The following SYN3 variants were observed in gnomAD, a reference collection of about 807,000 sequenced individuals.
SYN3 encodes the protein synapsin-3.
Under a neutral mutation model 65.8 loss-of-function variants are expected in SYN3, and 35 were observed. The observed-to-expected ratio is 0.53, with a 90% CI of 0.41 to 0.70. The LOEUF (loss-of-function observed/expected upper bound fraction) is 0.70, where lower values mean the gene tolerates loss of function less well. SYN3 is among the 30% of genes least tolerant of loss of function. SYN3 has a pLI of 0.00. For missense variants in SYN3, 680 were observed against 749.0 expected (o/e 0.91, Z 1.08); for synonymous variants, 270 against 292.9 (o/e 0.92, Z 0.80).
chr22:33,015,990 C>G (rs1014961997), intron 1 of SYN3, among the ~76,000 whole-genome samples: 5 of 151,826 alleles, frequency 3.3e-5, no homozygotes, highest in African/African-American at 1.2e-4. Context: ...TTACAGGCGC[C>G]CGCCACCACG....
At chr22:32,852,176 G>A (rs1278328105) in intron 6 of SYN3, among the ~76,000 whole-genome samples, 1 of 152,200 alleles carries the variant, frequency 6.6e-6, no homozygotes, top group Non-Finnish European at 1.5e-5. Context: ...TGAGACCTGG[G>A]AGGTCATATA....
chr22:32,513,609 C>T lies in SYN3; in HGVS notation c.*83G>A. The T allele has an allele frequency of 1.3e-6, 2 of 1,552,320 alleles. No homozygotes were observed. Among genetic ancestry groups the T allele is most frequent in the Non-Finnish European group, 1.8e-6 (2 of 1,141,142 alleles). On this transcript the variant is annotated 3_prime_UTR_variant, in exon 14 of 14. Transcript: ENST00000358763. ...CTCAGGCCCTCCATTCTGTTCCCAT[C>T]AGGAACCAAGGCTGAGAAGGAAGAT...
At chr22:32,822,653 G>C (rs776995323) in intron 6 of SYN3, among the ~76,000 whole-genome samples, 1 of 152,120 alleles carries the variant, frequency 6.6e-6, no homozygotes, top group Non-Finnish European at 1.5e-5. Context: ...ATTATGGTGC[G>C]TTCATACAGT....
intron 6 of SYN3, among the ~76,000 whole-genome samples, chr22:32,653,398 A>G (rs549671232): frequency 6.6e-6 from 1 of 152,322 alleles, no homozygotes; most frequent in East Asian, 1.9e-4. Flanking sequence ...ACCTTTAAAA[A>G]CAAAGGCTTG....
At chr22:32,831,826 T>C (rs530037681) in intron 6 of SYN3, among the ~76,000 whole-genome samples, 1 of 152,156 alleles carries the variant, frequency 6.6e-6, no homozygotes, top group East Asian at 1.9e-4. Context: ...ACTGTCAGCC[T>C]GGAAAATAGG....
At chr22:32,871,956 C>T (rs2048861240) in intron 4 of SYN3, among the ~76,000 whole-genome samples, 1 of 151,970 alleles carries the variant, frequency 6.6e-6, no homozygotes, top group Admixed American at 6.6e-5. Flanking sequence ...TCTTTCTCGC[C>T]TCCCTCACTG....
chr22:32,645,923 C>A (rs1236212270), intron 6 of SYN3, among the ~76,000 whole-genome samples: 4 of 151,986 alleles, frequency 2.6e-5, no homozygotes, highest in African/African-American at 4.8e-5. Flanking sequence ...GGGTGGGGAG[C>A]TGTACCCCAC....
At chr22:32,790,920 G>A (rs958954312) in intron 6 of SYN3, among the ~76,000 whole-genome samples, 2 of 152,154 alleles carry the variant, frequency 1.3e-5, no homozygotes, top group African/African-American at 2.4e-5. Context: ...AAAGACCTAA[G>A]ATGTGACTAC....
At chr22:32,702,071 C>T (rs1475480254) in intron 6 of SYN3, among the ~76,000 whole-genome samples, 1 of 152,134 alleles carries the variant, frequency 6.6e-6, no homozygotes, top group Non-Finnish European at 1.5e-5. Flanking sequence ...ACAATGTAGA[C>T]AGTAAACAAC....
chr22:32,598,229 G>A (rs2059230981), intron 6 of SYN3, among the ~76,000 whole-genome samples: 1 of 152,176 alleles, frequency 6.6e-6, no homozygotes, highest in Admixed American at 6.5e-5. Context: ...TCCTGTAGTA[G>A]CTGCTGAGCC....
chr22:32,883,230 A>C (rs2146430166), intron 4 of SYN3, among the ~76,000 whole-genome samples: 1 of 152,350 alleles, frequency 6.6e-6, no homozygotes, highest in East Asian at 1.9e-4. Context: ...GACATATGGC[A>C]GTAATTTTTA....
chr22:32,720,624 C>T (rs2061103579), intron 6 of SYN3, among the ~76,000 whole-genome samples: 2 of 152,224 alleles, frequency 1.3e-5, no homozygotes, highest in Non-Finnish European at 2.9e-5. Flanking sequence ...GGGATTCTCA[C>T]TGATCACCAC....
intron 6 of SYN3, among the ~76,000 whole-genome samples, chr22:32,748,461 G>A (rs978152575): frequency 3.9e-5 from 6 of 152,128 alleles, no homozygotes; most frequent in Non-Finnish European, 7.4e-5. Flanking sequence ...AAAGGGTGTC[G>A]GGGGCAAGGG....
chr22:32,826,520 C>T (rs1010504947), intron 6 of SYN3, among the ~76,000 whole-genome samples: 2 of 152,108 alleles, frequency 1.3e-5, no homozygotes, highest in African/African-American at 4.8e-5. Flanking sequence ...CAGATAACCT[C>T]GGTCCTATTT....
At chr22:32,648,458 T>A (rs1386039791) in intron 6 of SYN3, among the ~76,000 whole-genome samples, 1 of 152,318 alleles carries the variant, frequency 6.6e-6, no homozygotes, top group South Asian at 2.1e-4. Context: ...ACACAGTACA[T>A]AAATATGGTA....
chr22:32,868,909 T>C lies in SYN3; in HGVS notation c.621+57A>G, dbSNP rs1601586683. On this transcript the variant is annotated intron_variant, in intron 5 of 13. Coordinates refer to ENST00000358763, the MANE Select transcript of SYN3 (RefSeq NM_003490.4). ...GCTGGGGAGTGGGCTTGTCGCAGAG[T>C]GGGAGGCCACCCACTGCCTCCCAGA... is the stretch of plus-strand genomic sequence containing the variant. 3 of 1,562,128 alleles carry C rather than the reference T, an allele frequency of 1.9e-6. No homozygotes were observed. The East Asian group carries it at 6.9e-5, about 36-fold the overall frequency.
chr22:33,044,937 G>T (rs572623454), intron 1 of SYN3, among the ~76,000 whole-genome samples: 1 of 151,718 alleles, frequency 6.6e-6, no homozygotes, highest in East Asian at 2.0e-4. Flanking sequence ...CTGCCTCCCG[G>T]GTTCAAGCGA....
At chr22:33,030,433 T>C (rs193173329) in intron 1 of SYN3, among the ~76,000 whole-genome samples, 402 of 151,382 alleles carry the variant, frequency 2.7e-3, no homozygotes, top group Non-Finnish European at 4.5e-3. Context: ...GCCAGATACA[T>C]AGAGACAGAG....
intron 1 of SYN3, among the ~76,000 whole-genome samples, chr22:33,053,035 A>G (rs2054197143): frequency 6.6e-6 from 1 of 152,142 alleles, no homozygotes; most frequent in Admixed American, 6.5e-5. Flanking sequence ...TTTTCTGAGC[A>G]TTTTTCATGT....
Sources: allele counts gnomAD v4.1 joint callset (sites outside exome capture counted in the v4.1 genomes callset), GRCh38; gene constraint gnomAD v4.1.1; transcripts MANE v1.5; gene names NCBI Gene and HGNC (gene_info 2026-07-23, HGNC 2026-07-21).